The following PYROXD2 variants were observed in gnomAD, a reference collection of about 807,000 sequenced individuals.
The protein encoded by PYROXD2 is pyridine nucleotide-disulfide oxidoreductase domain-containing protein 2.
In PYROXD2, 69 loss-of-function variants were observed where a neutral mutation model predicts 71.1. The ratio of observed to expected loss-of-function variants is 0.97; its 90% CI spans 0.80 to 1.19. PYROXD2 has a LOEUF of 1.19. PYROXD2 is among the 50% of genes most tolerant of loss of function. The pLI is 0.00. For missense variants in PYROXD2, 745 were observed against 748.9 expected (o/e 0.99, Z 0.06); for synonymous variants, 287 against 302.7 (o/e 0.95, Z 0.54).
At chr10:98,408,053 C>T in intron 2 of PYROXD2, 56 bp from the exon 3 acceptor site, 6 of 1,521,786 alleles carry the variant, frequency 3.9e-6, no homozygotes, top group Non-Finnish European at 4.5e-6. Context: ...AATGTCAGGG[C>T]TCCCTCGGGC....
Position 98,395,438 on chromosome 10 carries a change from C to A in PYROXD2, c.640G>T (p.Ala214Ser). The change falls in exon 7 of 16, where the codon GCC becomes TCC. Residue 214 changes from alanine to serine, a missense_variant. Physicochemically the swap from Ala to Ser is moderately conservative, Grantham distance 99 (BLOSUM62 1). Transcript: ENST00000370575. ...PLLKAGRILGAQLPRYYEVLT... is the reference protein window; with the variant it reads ...PLLKAGRILGSQLPRYYEVLT... ...ACCTCATAATATCGGGGAAGCTGGG[C>A]TCCCAGGATGCGGCCTACAAGAGAA... 2 of 1,614,120 alleles carry A rather than the reference C, an allele frequency of 1.2e-6. No individual in the cohort carries two copies. Among genetic ancestry groups the A allele is most frequent in the African/African-American group, 2.7e-5 (2 of 75,066 alleles).
intron 4 of PYROXD2, 69 bp from the exon 5 acceptor site, chr10:98,400,326 ATTGTGT>A: frequency 6.8e-7 from 1 of 1,476,760 alleles, no homozygotes; most frequent in Non-Finnish European, 9.2e-7. Flanking sequence ...TCTTTCTCCG[ATTGTGT>A]TTGTGTGACC....
Position 98,410,645 on chromosome 10 carries a change from C to T in PYROXD2, c.147+294G>A, listed in dbSNP as rs12254528. ...CATGCTGTGTTGGTTACATGCTTCC[C>T]CACCTTGTCAGCTTGTTTCTGGAAG... On this transcript the variant is annotated intron_variant, in intron 2 of 15. Transcript: ENST00000370575. 5.7e-3 allele frequency: 2,768 copies of T among 485,064 alleles called. 62 individuals carry two copies. The highest frequency in any genetic ancestry group is 0.048 in the African/African-American group (2,460 of 50,792). 30.0% of individuals were successfully genotyped at this position (485,064 alleles called of 1,614,324 possible).
intron 9 of PYROXD2, 50 bp downstream of exon 9, chr10:98,392,891 CT>C (rs1229437202): frequency 3.8e-6 from 6 of 1,581,522 alleles, no homozygotes; most frequent in African/African-American, 1.4e-5. Flanking sequence ...AGACTTTGTT[CT>C]GTCCTGGGAT....
intron 6 of PYROXD2, among the ~76,000 whole-genome samples, chr10:98,396,112 CTT>C (rs1176464731): frequency 6.6e-6 from 1 of 152,234 alleles, no homozygotes; most frequent in African/African-American, 2.4e-5. Flanking sequence ...GCTCCATACT[CTT>C]TGCAATGTAT....
At chr10:98,394,967 C>G (rs1017425791) in intron 8 of PYROXD2, among the ~76,000 whole-genome samples, 3 of 152,136 alleles carry the variant, frequency 2.0e-5, no homozygotes, top group African/African-American at 7.2e-5. Context: ...AGCCTTGCCA[C>G]TTACCAGCTG....
chr10:98,411,031 T>C lies in PYROXD2; in HGVS notation c.128-73A>G, dbSNP rs1167518591. 3.2e-6 allele frequency: 5 copies of C among 1,548,824 alleles called. No homozygotes were observed. The African/African-American group carries it at 6.8e-5, about 21-fold the overall frequency. On this transcript the variant is annotated intron_variant, in intron 1 of 15. Coordinates refer to ENST00000370575, the MANE Select transcript of PYROXD2 (RefSeq NM_032709.3). The stretch of plus-strand genomic sequence containing the variant: ...GGGCAGACAGACAGTCCTTGAGGAA[T>C]GTGCTCCCCGCTGCCCGTCCCCATG...
intron 10 of PYROXD2, 98 bp from the exon 11 acceptor site, chr10:98,391,180 C>A: frequency 1.2e-6 from 1 of 816,068 alleles, no homozygotes; most frequent in East Asian, 2.5e-5. Context: ...TCGCTCCCTC[C>A]GGAAATCCTC....
At chr10:98,392,797 G>C in intron 9 of PYROXD2, 145 bp downstream of exon 9, 1 of 1,115,340 alleles carries the variant, frequency 9.0e-7, no homozygotes, top group South Asian at 1.5e-5. Flanking sequence ...CTAACAGACT[G>C]CATGACCTTA....
At chr10:98,398,092 AG>A (rs1219786711) in intron 5 of PYROXD2, among the ~76,000 whole-genome samples, 1 of 152,074 alleles carries the variant, frequency 6.6e-6, no homozygotes, top group African/African-American at 2.4e-5. Flanking sequence ...CATGTTGGCC[AG>A]GCTGGTCAAG....
intron 12 of PYROXD2, among the ~76,000 whole-genome samples, chr10:98,389,346 C>G (rs1339647836): frequency 1.3e-5 from 2 of 152,200 alleles, no homozygotes; most frequent in Admixed American, 6.5e-5. Flanking sequence ...CCCCTGCCCC[C>G]ACCCTTGTCC....
At chr10:98,395,157 T>A in intron 8 of PYROXD2, 39 bp downstream of exon 8, 3 of 1,547,142 alleles carry the variant, frequency 1.9e-6, no homozygotes, top group East Asian at 2.2e-5. Flanking sequence ...TTGGGGAACA[T>A]GCCCCACTCC....
At chr10:98,390,092 T>G (rs1173521547) in intron 12 of PYROXD2, among the ~76,000 whole-genome samples, 1 of 152,208 alleles carries the variant, frequency 6.6e-6, no homozygotes, top group Non-Finnish European at 1.5e-5. Context: ...CAACAGTGTG[T>G]GCTGGACAGC....
chr10:98,412,876 G>A (rs564086755), intron 1 of PYROXD2, among the ~76,000 whole-genome samples: 3 of 152,344 alleles, frequency 2.0e-5, no homozygotes, highest in South Asian at 4.1e-4. Flanking sequence ...GAGCACGGAA[G>A]GAGGCAGGGG....
chr10:98,404,672 G>A (rs1382065222), intron 4 of PYROXD2, among the ~76,000 whole-genome samples: 1 of 152,176 alleles, frequency 6.6e-6, no homozygotes, highest in Non-Finnish European at 1.5e-5. Flanking sequence ...GGGTGTGTGT[G>A]TGTGAAGGGT....
chr10:98,384,836 C>G, intron 15 of PYROXD2, 111 bp downstream of exon 15: 26 of 1,390,566 alleles, frequency 1.9e-5, no homozygotes, highest in Non-Finnish European at 2.3e-5. Context: ...GAGTTCCCTG[C>G]TCCCCTCCCT....
chr10:98,392,312 T>A, intron 10 of PYROXD2, 120 bp downstream of exon 10: 1 of 1,489,534 alleles, frequency 6.7e-7, no homozygotes, highest in South Asian at 1.3e-5. Flanking sequence ...GTTTCCCAAA[T>A]GCAGAGACTT....
intron 4 of PYROXD2, among the ~76,000 whole-genome samples, chr10:98,407,180 C>G (rs1224969729): frequency 6.6e-6 from 1 of 152,078 alleles, no homozygotes. Flanking sequence ...CCAGAAAAGT[C>G]CCCAGGCCCC....
chr10:98,412,516 G>A (rs998785832), intron 1 of PYROXD2, among the ~76,000 whole-genome samples: 20 of 151,302 alleles, frequency 1.3e-4, no homozygotes, highest in African/African-American at 4.4e-4. Flanking sequence ...CAGAATGCTC[G>A]TCACCAGGTA....
Sources: allele counts gnomAD v4.1 joint callset (sites outside exome capture counted in the v4.1 genomes callset), GRCh38; gene constraint gnomAD v4.1.1; transcripts MANE v1.5; gene names NCBI Gene and HGNC (gene_info 2026-07-23, HGNC 2026-07-21).